Variants in PAPSS1 observed in about 807,000 individuals in gnomAD.
The protein encoded by PAPSS1 is bifunctional 3'-phosphoadenosine 5'-phosphosulfate synthase 1.
PAPSS1 carries 50 observed loss-of-function variants against 72.0 expected under a neutral mutation model. That is an observed-to-expected ratio of 0.69 (90% CI 0.55 to 0.88). PAPSS1 has a LOEUF of 0.88. Ranked by LOEUF, PAPSS1 falls within the 40% of genes least tolerant of loss-of-function variation. PAPSS1 has a pLI of 0.00. For synonymous variants in PAPSS1, 261 were observed against 263.6 expected, an observed-to-expected ratio of 0.99 and a Z score of 0.09; for missense variants, 657 against 782.2, an observed-to-expected ratio of 0.84 and a Z score of 1.91.
intron 11 of PAPSS1, among the ~76,000 whole-genome samples, chr4:107,618,942 A>G (rs926213603): frequency 2.0e-5 from 3 of 152,230 alleles, no homozygotes; most frequent in Non-Finnish European, 1.5e-5. Context: ...ATTTGACAAA[A>G]TACTGACTGA....
intron 11 of PAPSS1, among the ~76,000 whole-genome samples, chr4:107,625,945 G>A (rs1490743455): frequency 1.3e-5 from 2 of 151,962 alleles, no homozygotes; most frequent in Admixed American, 1.3e-4. Context: ...ACTTTGGGAG[G>A]CCGAGGCAGG....
At chr4:107,621,920 G>A (rs1235722147) in intron 11 of PAPSS1, among the ~76,000 whole-genome samples, 2 of 152,026 alleles carry the variant, frequency 1.3e-5, no homozygotes, top group African/African-American at 2.4e-5. Flanking sequence ...GAGCCACCGC[G>A]CCCAGCCGGA....
chr4:107,717,335 T>A (rs1363414898), intron 1 of PAPSS1, among the ~76,000 whole-genome samples: 2 of 148,754 alleles, frequency 1.3e-5, no homozygotes, highest in African/African-American at 5.0e-5. Context: ...AGGTTTAAAA[T>A]GGGTCCAGCA....
rs1190143005 is a variant in PAPSS1 at position 107,631,788 on chromosome 4, T to C, written c.1579A>G (p.Met527Val). The C allele has an allele frequency of 6.2e-7, 1 of 1,614,136 alleles. No individual in the cohort carries two copies. The highest frequency in any genetic ancestry group is 8.5e-7 in the Non-Finnish European group (1 of 1,180,012). Residue 527 changes from methionine (M) to valine (V), a missense_variant, in exon 11 of 12, where the codon ATG becomes GTG. Met to Val is a conservative substitution (Grantham distance 21, BLOSUM62 1). Coordinates refer to ENST00000265174, the MANE Select transcript of PAPSS1 (RefSeq NM_005443.5). Reference sequence around the variant, plus strand: ...TCCTTCCCTGTTTCTGGATGAGGCATGCCAGCAGGGTCTCGTCCAACAATG... The same window carrying C: ...TCCTTCCCTGTTTCTGGATGAGGCACGCCAGCAGGGTCTCGTCCAACAATG... ...FYIVGRDPAG[M>V]PHPETGKDLY...
intron 5 of PAPSS1, among the ~76,000 whole-genome samples, chr4:107,665,587 G>C (rs28460860): frequency 0.24 from 36,560 of 152,078 alleles, 5,004 homozygotes; most frequent in Middle Eastern, 0.35. Context: ...ACCCAGCACT[G>C]AAGGGTAAAG....
chr4:107,626,492 G>A (rs1248388756), intron 11 of PAPSS1, among the ~76,000 whole-genome samples: 2 of 152,146 alleles, frequency 1.3e-5, no homozygotes, highest in South Asian at 2.1e-4. Flanking sequence ...TAATCTTGTA[G>A]TCCTAAAACT....
intron 2 of PAPSS1, among the ~76,000 whole-genome samples, chr4:107,694,589 C>G (rs1723020154): frequency 6.6e-6 from 1 of 152,124 alleles, no homozygotes; most frequent in Non-Finnish European, 1.5e-5. Context: ...AAAACAAAGT[C>G]ATATGCCCAA....
chr4:107,697,166 G>C (rs1233750012), intron 2 of PAPSS1, among the ~76,000 whole-genome samples: 1 of 152,210 alleles, frequency 6.6e-6, no homozygotes, highest in Non-Finnish European at 1.5e-5. Context: ...CTGACAACCA[G>C]CAGCATCTGA....
At chr4:107,686,338 C>A (rs1578422063) in intron 4 of PAPSS1, among the ~76,000 whole-genome samples, 1 of 152,182 alleles carries the variant, frequency 6.6e-6, no homozygotes, top group Non-Finnish European at 1.5e-5. Context: ...CTTTTATATA[C>A]TTTAAATCAT....
At chr4:107,685,471 T>A (rs1157379201) in intron 4 of PAPSS1, among the ~76,000 whole-genome samples, 1 of 152,226 alleles carries the variant, frequency 6.6e-6, no homozygotes, top group African/African-American at 2.4e-5. Flanking sequence ...TGCTTTTCTG[T>A]GCCAAATTTC....
chr4:107,660,078 T>C lies in PAPSS1; in HGVS notation c.670-6A>G. On this transcript the variant is annotated splice_polypyrimidine_tract_variant and splice_region_variant and intron_variant, in intron 5 of 11. Transcript: ENST00000265174. The stretch of plus-strand genomic sequence containing the variant: ...GCATCCACAGGTACAATATCCTATA[T>C]AACAACAGGAGTACAATTTAAATGT... 2.3e-6 allele frequency: 3 copies of C among 1,290,564 alleles called. No individual in the cohort carries two copies. The highest frequency in any genetic ancestry group is 2.2e-6 in the Non-Finnish European group (2 of 905,938). The allele number at this position is 1,290,564 out of a possible 1,614,324, so 79.9% of individuals were successfully genotyped here. A position where few individuals can be genotyped will look rare whatever the true frequency, so the allele number is the denominator to read the frequency against.
chr4:107,647,592 T>C (rs765318231), intron 9 of PAPSS1, among the ~76,000 whole-genome samples: 39 of 152,332 alleles, frequency 2.6e-4, no homozygotes, highest in Non-Finnish European at 4.1e-4. Context: ...CAATAAAATT[T>C]GATGAGAAAA....
intron 1 of PAPSS1, among the ~76,000 whole-genome samples, chr4:107,715,231 A>G (rs1209522248): frequency 6.6e-6 from 1 of 152,230 alleles, no homozygotes; most frequent in Non-Finnish European, 1.5e-5. Flanking sequence ...CAGTTGCCAC[A>G]AGTGGATCGT....
chr4:107,636,725 A>G (rs1560567837), intron 10 of PAPSS1, among the ~76,000 whole-genome samples: 1 of 152,196 alleles, frequency 6.6e-6, no homozygotes, highest in Admixed American at 6.5e-5. Flanking sequence ...AAATTCAAAT[A>G]AATAATACTT....
intron 10 of PAPSS1, among the ~76,000 whole-genome samples, chr4:107,642,931 T>A (rs779408772): frequency 7.9e-5 from 12 of 152,092 alleles, no homozygotes; most frequent in Non-Finnish European, 1.5e-5. Flanking sequence ...GCAATTCTCC[T>A]CCCTGGTATA....
At chr4:107,618,891 C>CT (rs2110294827) in intron 11 of PAPSS1, among the ~76,000 whole-genome samples, 1 of 152,208 alleles carries the variant, frequency 6.6e-6, no homozygotes, top group Non-Finnish European at 1.5e-5. Flanking sequence ...AATGCTTGCT[C>CT]TAACCAGATG....
At chr4:107,646,350 C>T (rs1224987966) in intron 9 of PAPSS1, among the ~76,000 whole-genome samples, 1 of 150,998 alleles carries the variant, frequency 6.6e-6, no homozygotes, top group African/African-American at 2.4e-5. Flanking sequence ...CACACATACA[C>T]ACACACACAT....
intron 5 of PAPSS1, among the ~76,000 whole-genome samples, chr4:107,673,331 G>T (rs1727547554): frequency 6.6e-6 from 1 of 152,172 alleles, no homozygotes; most frequent in Middle Eastern, 3.4e-3. Flanking sequence ...TAGACAAATG[G>T]CTAACTAGAA....
intron 5 of PAPSS1, among the ~76,000 whole-genome samples, chr4:107,681,279 G>A (rs1722586616): frequency 6.6e-6 from 1 of 152,144 alleles, no homozygotes; most frequent in Admixed American, 6.5e-5. Flanking sequence ...AGGGGGGAAT[G>A]CATGACAAGG....
Sources: gnomAD v4.1 joint callset for allele counts (sites outside exome capture counted in the v4.1 genomes callset) on GRCh38, gnomAD v4.1.1 for gene constraint, MANE v1.5 for transcripts, NCBI Gene and HGNC (gene_info 2026-07-23, HGNC 2026-07-21) for gene names.